C11orf52: variants seen among roughly 807,000 people sequenced by gnomAD.
C11orf52 encodes the protein chromosome 11 open reading frame 52, also known as uncharacterized protein C11orf52.
In C11orf52, 9 loss-of-function variants were observed where a neutral mutation model predicts 11.7. The ratio of observed to expected loss-of-function variants is 0.77; its 90% CI spans 0.46 to 1.34. The LOEUF (loss-of-function observed/expected upper bound fraction) is 1.34, where lower values mean the gene tolerates loss of function less well. C11orf52 is among the 40% of genes most tolerant of loss of function. The pLI is 0.00. For missense variants in C11orf52, 139 were observed against 154.8 expected, an observed-to-expected ratio of 0.90 and a Z score of 0.54; for synonymous variants, 49 against 57.4, an observed-to-expected ratio of 0.85 and a Z score of 0.66.
In C11orf52 at chr11:111,922,620, C is replaced by T. The variant is rs587766261; in HGVS notation, c.33-1706C>T. ...AAAAAGTAAAATTTTCCATGATGTT[C>T]GGTGTTCTTCCAACATTCTTTATGA... is the stretch of plus-strand genomic sequence containing the variant. On this transcript the variant is annotated intron_variant, in intron 1 of 3. Coordinates refer to ENST00000278601, the MANE Select transcript of C11orf52 (RefSeq NM_080659.3). Among the ~76,000 whole-genome samples the T allele has an allele frequency of 4.8e-3, 727 of 152,244 alleles. 6 individuals are homozygous for T. The highest frequency in any genetic ancestry group is 0.017 in the African/African-American group (697 of 41,540).
chr11:111,925,124 A>G (rs1555166810), intron 2 of C11orf52, among the ~76,000 whole-genome samples: 1 of 152,156 alleles, frequency 6.6e-6, no homozygotes, highest in Non-Finnish European at 1.5e-5. Context: ...TCTGTCTCTA[A>G]ATAAATAAAT....
intron 2 of C11orf52, among the ~76,000 whole-genome samples, chr11:111,925,032 G>A (rs1555166802): frequency 3.3e-5 from 5 of 152,186 alleles, no homozygotes. Flanking sequence ...GCCAAGGCAC[G>A]AGAATTGCTT....
At chr11:111,920,020 C>T (rs1237680932) in intron 1 of C11orf52, among the ~76,000 whole-genome samples, 3 of 151,692 alleles carry the variant, frequency 2.0e-5, no homozygotes, top group African/African-American at 7.3e-5. Flanking sequence ...ACGGTGAAAC[C>T]CCATCTCTAC....
rs200467612 is a variant in C11orf52 at position 111,926,049 on chromosome 11, C to T, written c.222C>T (p.Ser74=). 6.2e-7 allele frequency: 1 copy of T among 1,614,242 alleles called. No homozygotes were observed. The highest frequency in any genetic ancestry group is 8.5e-7 in the Non-Finnish European group (1 of 1,180,038). ...GTCCAGGCCTCATGTCGGAAGACAG[C>T]AACTTACATTATGCTGACATTCAAG... ...ERSPGLMSED[S]NLHYADIQVC... The change falls in exon 4 of 4, where the codon AGC becomes AGT. Residue 74 remains serine, a synonymous_variant. Coordinates refer to ENST00000278601, the MANE Select transcript of C11orf52 (RefSeq NM_080659.3).
At chr11:111,920,553 A>G (rs1965677060) in intron 1 of C11orf52, among the ~76,000 whole-genome samples, 1 of 151,550 alleles carries the variant, frequency 6.6e-6, no homozygotes, top group African/African-American at 2.4e-5. Context: ...AAAAAAAGAA[A>G]AGGAGTTTGA....
intron 1 of C11orf52, chr11:111,924,123 C>A: frequency 3.8e-6 from 2 of 521,388 alleles, no homozygotes; most frequent in South Asian, 3.3e-5. Flanking sequence ...TGTACTACTC[C>A]ACCTTCCAGA....
chr11:111,921,999 A>C (rs1965708558), intron 1 of C11orf52, among the ~76,000 whole-genome samples: 1 of 152,072 alleles, frequency 6.6e-6, no homozygotes, highest in Non-Finnish European at 1.5e-5. Context: ...CGCCCAGCTA[A>C]TTTTTGTATT....
chr11:111,925,887 ACCTGCC>A, intron 3 of C11orf52, 67 bp from the exon 4 acceptor site: 2 of 1,600,692 alleles, frequency 1.2e-6, no homozygotes, highest in Non-Finnish European at 1.7e-6. Context: ...ACATCAGTTG[ACCTGCC>A]CCTGCATTGG....
In C11orf52 at chr11:111,926,453, T is replaced by C. The variant is rs1965813091; in HGVS notation, c.*254T>C. 5.4e-6 allele frequency: 3 copies of C among 558,756 alleles called. No individual in the cohort carries two copies. The highest frequency in any genetic ancestry group is 3.1e-5 in the East Asian group (1 of 32,594). 34.6% of individuals were successfully genotyped at this position (558,756 alleles called of 1,614,324 possible). On this transcript the variant is annotated 3_prime_UTR_variant, in exon 4 of 4. Transcript: ENST00000278601. ...GCTATCCACATGAGGTTAGGTGGAG[T>C]GTGCAGGGAGGTAGGTCTTCGACCC... is the stretch of plus-strand genomic sequence containing the variant.
chr11:111,925,379 A>G (rs1555166835), intron 2 of C11orf52, among the ~76,000 whole-genome samples: 2 of 150,864 alleles, frequency 1.3e-5, no homozygotes, highest in Non-Finnish European at 2.9e-5. Context: ...AACATGGCAC[A>G]GAGCCTGGCA....
chr11:111,921,723 G>C (rs1224439395), intron 1 of C11orf52, among the ~76,000 whole-genome samples: 5 of 152,080 alleles, frequency 3.3e-5, no homozygotes, highest in African/African-American at 1.2e-4. Flanking sequence ...GTCATTAGTG[G>C]TCAACTTTTA....
intron 2 of C11orf52, 124 bp from the exon 3 acceptor site, chr11:111,925,529 G>A (rs782398811): frequency 7.4e-6 from 7 of 946,626 alleles, no homozygotes; most frequent in Admixed American, 4.3e-5. Context: ...TGAAAGAAGT[G>A]AGAATGGAGG....
chr11:111,924,486 C>T, intron 2 of C11orf52, 123 bp downstream of exon 2: 1 of 799,132 alleles, frequency 1.3e-6, no homozygotes, highest in East Asian at 2.6e-5. Flanking sequence ...GACAGCACAC[C>T]AAAGAGAATC....
intron 1 of C11orf52, among the ~76,000 whole-genome samples, chr11:111,924,063 A>G (rs151129572): frequency 6.6e-6 from 1 of 152,332 alleles, no homozygotes; most frequent in East Asian, 1.9e-4. Flanking sequence ...CATCCCTGGC[A>G]TGTAGTGCCT....
intron 1 of C11orf52, 74 bp downstream of exon 1, chr11:111,919,078 C>A: frequency 6.4e-7 from 1 of 1,553,318 alleles, no homozygotes; most frequent in Non-Finnish European, 8.8e-7. Context: ...AATCAGAGGA[C>A]CTGGAGATAG....
chr11:111,925,647 C>T lies in C11orf52; in HGVS notation c.71-6C>T, dbSNP rs1965785054. Reference sequence around the variant, plus strand: ...AATAAACTTAAGTTGGATTTCTTCCCCTCAGGAAGCCAAACAAGACGGACA... The same window carrying T: ...AATAAACTTAAGTTGGATTTCTTCCTCTCAGGAAGCCAAACAAGACGGACA... On this transcript the variant is annotated splice_region_variant and splice_polypyrimidine_tract_variant and intron_variant, in intron 2 of 3. Coordinates refer to ENST00000278601, the MANE Select transcript of C11orf52 (RefSeq NM_080659.3). 1.2e-6 allele frequency: 2 copies of T among 1,613,992 alleles called. No individual in the cohort carries two copies. The highest frequency in any genetic ancestry group is 1.7e-5 in the Admixed American group (1 of 59,990).
At position 111,919,901 on chromosome 11, in the gene C11orf52, A is replaced by G. The variant is rs1197230254; in HGVS notation, c.32+897A>G. On this transcript the variant is annotated intron_variant, in intron 1 of 3. Coordinates refer to ENST00000278601, the MANE Select transcript of C11orf52 (RefSeq NM_080659.3). ...GTCAACTTTGAAGCAATGTTTATTT[A>G]AAAGGGCAGAAGTGCCAGGCGTGGT... Among the ~76,000 whole-genome samples the G allele has an allele frequency of 8.5e-5, 13 of 152,322 alleles. No homozygotes were observed. The South Asian group carries it at 2.5e-3, about 29-fold the overall frequency.
chr11:111,925,833 GTCC>G (rs1404999793), intron 3 of C11orf52, 119 bp downstream of exon 3: 13 of 1,562,500 alleles, frequency 8.3e-6, no homozygotes, highest in Admixed American at 1.8e-5. Flanking sequence ...GGCTCTGTCT[GTCC>G]TCCTCTGTCT....
chr11:111,925,745 G>A, intron 3 of C11orf52, 31 bp downstream of exon 3: 1 of 1,612,316 alleles, frequency 6.2e-7, no homozygotes, highest in Non-Finnish European at 8.5e-7. Flanking sequence ...CCTCTCTGGG[G>A]CTGCTCGGAC....
Sources: gnomAD v4.1 joint callset for allele counts (sites outside exome capture counted in the v4.1 genomes callset) on GRCh38, gnomAD v4.1.1 for gene constraint, MANE v1.5 for transcripts, NCBI Gene and HGNC (gene_info 2026-07-23, HGNC 2026-07-21) for gene names.